NAV2: variants seen among roughly 807,000 people sequenced by gnomAD.
NAV2 encodes neuron navigator 2.
Under a neutral mutation model 223.2 loss-of-function variants are expected in NAV2, and 54 were observed. The observed-to-expected ratio is 0.24, with a 90% CI of 0.19 to 0.30. The LOEUF (loss-of-function observed/expected upper bound fraction) is 0.30. Ranked by LOEUF, NAV2 falls within the 10% of genes least tolerant of loss-of-function variation. NAV2 has a pLI of 1.00. For synonymous variants in NAV2, 1,279 were observed against 1,239.3 expected (o/e 1.03, Z -0.67); for missense variants, 2,806 against 3,147.5 (o/e 0.89, Z 2.60).
At chr11:19,397,392 G>T (rs766834599) in intron 1 of NAV2, among the ~76,000 whole-genome samples, 17 of 82,200 alleles carry the variant, frequency 2.1e-4, no homozygotes, top group Non-Finnish European at 4.6e-4. Context: ...TGGATTCTCT[G>T]GGGAGTGTGT....
intron 20 of NAV2, among the ~76,000 whole-genome samples, chr11:20,064,002 C>T (rs1184838437): frequency 1.3e-5 from 2 of 152,184 alleles, no homozygotes; most frequent in Non-Finnish European, 2.9e-5. Flanking sequence ...CACCTCACCC[C>T]TCCAACTCTA....
At chr11:19,691,242 C>A (rs1219994722) in intron 1 of NAV2, among the ~76,000 whole-genome samples, 1 of 114,332 alleles carries the variant, frequency 8.7e-6, no homozygotes, top group Non-Finnish European at 2.1e-5. Context: ...GTTCTAGTAG[C>A]CACATTAAAA....
intron 1 of NAV2, among the ~76,000 whole-genome samples, chr11:19,411,058 C>T (rs534715994): frequency 6.6e-6 from 1 of 152,158 alleles, no homozygotes; most frequent in African/African-American, 2.4e-5. Flanking sequence ...GGCATTGGCA[C>T]AGCAATTGGC....
chr11:19,409,655 G>A (rs559247749), intron 1 of NAV2, among the ~76,000 whole-genome samples: 19 of 152,268 alleles, frequency 1.2e-4, no homozygotes, highest in African/African-American at 3.6e-4. Flanking sequence ...CAGAGCTCCC[G>A]TGATGCTGCA....
chr11:19,847,864 G>A (rs2060891626), intron 3 of NAV2, among the ~76,000 whole-genome samples: 5 of 152,178 alleles, frequency 3.3e-5, no homozygotes, highest in Admixed American at 2.6e-4. Context: ...TCAGCACTCA[G>A]TATATGGCAG....
chr11:19,602,555 A>G (rs1172344385), intron 1 of NAV2, among the ~76,000 whole-genome samples: 6 of 152,208 alleles, frequency 3.9e-5, no homozygotes, highest in Non-Finnish European at 8.8e-5. Context: ...TTGGTGACTT[A>G]AGACAACAGA....
chr11:19,687,982 AG>A (rs766038631), intron 1 of NAV2, among the ~76,000 whole-genome samples: 7 of 152,216 alleles, frequency 4.6e-5, no homozygotes, highest in Non-Finnish European at 8.8e-5. Flanking sequence ...TCCTCCATCC[AG>A]GTGAAGTTGC....
intron 1 of NAV2, among the ~76,000 whole-genome samples, chr11:19,387,668 A>G (rs898361875): frequency 6.6e-6 from 1 of 152,174 alleles, no homozygotes; most frequent in Non-Finnish European, 1.5e-5. Flanking sequence ...GAGACTGGAA[A>G]TAGAGGACTG....
In NAV2 at chr11:19,749,397, G is replaced by A. The variant is rs76628961; in HGVS notation, c.267+35435G>A. ...TTGTTCCCAATTTGACTAAAATGTC[G>A]TTATTTTTTATGATGACTTTATTCT... On this transcript the variant is annotated intron_variant, in intron 1 of 37. Coordinates refer to ENST00000349880, the MANE Select transcript of NAV2 (RefSeq NM_145117.5). 9.9e-5 allele frequency among the ~76,000 whole-genome samples: 15 copies of A among 152,246 alleles called. No homozygotes were observed. The East Asian group carries it at 1.7e-3, about 18-fold the overall frequency.
At chr11:19,406,983 T>G (rs532668544) in intron 1 of NAV2, among the ~76,000 whole-genome samples, 11 of 152,316 alleles carry the variant, frequency 7.2e-5, no homozygotes, top group African/African-American at 2.6e-4. Flanking sequence ...GGGACCTGTA[T>G]GGCTTTTAAC....
intron 1 of NAV2, among the ~76,000 whole-genome samples, chr11:19,539,581 T>A (rs2044284399): frequency 6.6e-6 from 1 of 152,254 alleles, no homozygotes; most frequent in Non-Finnish European, 1.5e-5. Context: ...GAGAGTCGTT[T>A]AACAATGTGC....
rs186346617 is a variant in NAV2 at position 19,835,063 on chromosome 11, T to A, written c.385+2462T>A. On this transcript the variant is annotated intron_variant, in intron 2 of 37. Coordinates refer to ENST00000349880, the MANE Select transcript of NAV2 (RefSeq NM_145117.5). ...TGGGCTCAGAAGAGGCAAATGGGAGTATGTATGTTGTGCATTTTCTAAACA... is the reference window on the plus strand; with the variant it reads ...TGGGCTCAGAAGAGGCAAATGGGAGAATGTATGTTGTGCATTTTCTAAACA... 6.6e-5 allele frequency among the ~76,000 whole-genome samples: 10 copies of A among 152,130 alleles called. No homozygotes were observed. The East Asian group carries it at 1.9e-3, about 29-fold the overall frequency.
chr11:19,973,643 C>T (rs2049447280), intron 10 of NAV2, among the ~76,000 whole-genome samples: 1 of 152,182 alleles, frequency 6.6e-6, no homozygotes, highest in African/African-American at 2.4e-5. Flanking sequence ...TGTAGCATTG[C>T]CATGAGCCAC....
chr11:19,532,487 A>T (rs34433267), intron 1 of NAV2, among the ~76,000 whole-genome samples: 1 of 152,152 alleles, frequency 6.6e-6, no homozygotes, highest in Admixed American at 6.5e-5. Context: ...TTCCTCTTCC[A>T]GCTCAGGCAT....
At chr11:20,060,990 C>T (rs1591916627) in intron 19 of NAV2, among the ~76,000 whole-genome samples, 3 of 152,162 alleles carry the variant, frequency 2.0e-5, no homozygotes, top group Admixed American at 6.5e-5. Context: ...GAGTTCACTT[C>T]GTGGGTGGTA....
chr11:19,787,070 C>G (rs1006302037), intron 1 of NAV2, among the ~76,000 whole-genome samples: 7 of 151,930 alleles, frequency 4.6e-5, no homozygotes, highest in African/African-American at 1.7e-4. Flanking sequence ...GATAACCACT[C>G]TGGGTGCCAG....
At chr11:19,748,897 G>A (rs564357528) in intron 1 of NAV2, among the ~76,000 whole-genome samples, 10 of 152,324 alleles carry the variant, frequency 6.6e-5, no homozygotes, top group South Asian at 2.1e-4. Flanking sequence ...TAAAGATATT[G>A]ACAGGCAGAG....
At chr11:19,836,329 G>A (rs1380315649) in intron 2 of NAV2, among the ~76,000 whole-genome samples, 1 of 151,524 alleles carries the variant, frequency 6.6e-6, no homozygotes, top group Non-Finnish European at 1.5e-5. Flanking sequence ...AGGCCGAGGC[G>A]GGTGGATCAT....
rs772737772 is a variant in NAV2 at position 19,868,912 on chromosome 11, T to C, written c.439-13T>C. 4 of 1,613,302 alleles carry C rather than the reference T, an allele frequency of 2.5e-6. No individual in the cohort carries two copies. In the South Asian group the frequency reaches 4.4e-5, roughly 18 times the overall value. ...ACATTTATTAAGTATATATTGTTGT[T>C]TTTCCCTCCTAGATTGAAAACATAG... On this transcript the variant is annotated splice_polypyrimidine_tract_variant and intron_variant, in intron 3 of 37. Coordinates refer to ENST00000349880, the MANE Select transcript of NAV2 (RefSeq NM_145117.5).
Sources: gnomAD v4.1 joint callset for allele counts (sites outside exome capture counted in the v4.1 genomes callset) on GRCh38, gnomAD v4.1.1 for gene constraint, MANE v1.5 for transcripts, NCBI Gene and HGNC (gene_info 2026-07-23, HGNC 2026-07-21) for gene names.